OPCML: variants seen among roughly 807,000 people sequenced by gnomAD.
The protein encoded by OPCML is opioid-binding protein/cell adhesion molecule.
Under a neutral mutation model 37.8 loss-of-function variants are expected in OPCML, and 13 were observed. The ratio of observed to expected loss-of-function variants is 0.34; its 90% CI spans 0.22 to 0.55. The LOEUF (loss-of-function observed/expected upper bound fraction) is 0.55. OPCML is among the 20% of genes least tolerant of loss of function. OPCML has a pLI of 0.91. For missense variants in OPCML, 341 were observed against 435.6 expected (o/e 0.78, Z 1.93); for synonymous variants, 176 against 168.8 (o/e 1.04, Z -0.33).
At chr11:133,141,481 C>T (rs1444189663) in intron 1 of OPCML, among the ~76,000 whole-genome samples, 1 of 152,152 alleles carries the variant, frequency 6.6e-6, no homozygotes, top group Non-Finnish European at 1.5e-5. Flanking sequence ...CCTTTTCCCA[C>T]TCTTCTCAAC....
intron 2 of OPCML, among the ~76,000 whole-genome samples, chr11:132,757,568 T>C (rs1591565004): frequency 6.6e-6 from 1 of 152,222 alleles, no homozygotes; most frequent in Non-Finnish European, 1.5e-5. Context: ...TGAGCTTTTT[T>C]TCATATGTTT....
intron 2 of OPCML, chr11:132,817,213 C>CAT (rs1340355184): frequency 6.6e-6 from 1 of 152,206 alleles, no homozygotes; most frequent in Non-Finnish European, 1.5e-5. Flanking sequence ...AATATCATGT[C>CAT]ATACACAGGG....
intron 2 of OPCML, among the ~76,000 whole-genome samples, chr11:132,694,133 A>G (rs1943510461): frequency 7.0e-6 from 1 of 142,854 alleles, no homozygotes; most frequent in Admixed American, 7.0e-5. Context: ...AACTCTTCAG[A>G]GCTTTCTTCT....
chr11:132,981,856 G>A (rs181782912), intron 1 of OPCML, among the ~76,000 whole-genome samples: 1 of 152,342 alleles, frequency 6.6e-6, no homozygotes, highest in East Asian at 1.9e-4. Context: ...GCCAGGTTCT[G>A]TGTTAGGCGT....
chr11:132,435,737 C>T (rs1339792110), intron 7 of OPCML, among the ~76,000 whole-genome samples: 1 of 152,166 alleles, frequency 6.6e-6, no homozygotes. Flanking sequence ...AATATCACCC[C>T]CAGAATCAGA....
At chr11:133,284,302 T>C (rs1942239981) in intron 1 of OPCML, among the ~76,000 whole-genome samples, 1 of 152,216 alleles carries the variant, frequency 6.6e-6, no homozygotes, top group African/African-American at 2.4e-5. Context: ...CCCCTCTGGC[T>C]GTTGCAAGCT....
At chr11:133,231,533 A>G (rs182777719) in intron 1 of OPCML, among the ~76,000 whole-genome samples, 2 of 152,304 alleles carry the variant, frequency 1.3e-5, no homozygotes, top group African/African-American at 4.8e-5. Flanking sequence ...TCCCAAGTTG[A>G]AAATGGCATC....
At chr11:133,305,256 G>A (rs573425587) in intron 1 of OPCML, among the ~76,000 whole-genome samples, 1 of 152,276 alleles carries the variant, frequency 6.6e-6, no homozygotes, top group African/African-American at 2.4e-5. Flanking sequence ...TTATTATAAG[G>A]TTCTTCAGAT....
intron 1 of OPCML, among the ~76,000 whole-genome samples, chr11:132,996,468 A>T (rs1002682185): frequency 6.6e-6 from 1 of 151,560 alleles, no homozygotes; most frequent in Non-Finnish European, 1.5e-5. Context: ...AAAAAAAAAA[A>T]AATACAAAAA....
rs190865839 is a variant in OPCML, at chr11:133,004,018, C to T, written c.62-61008G>A. ...CGAGGAAGTGGCACACGTCTCTCACCGCTCTGGAGTCAGGCGGAAATGCCA... is the reference window on the plus strand; with the variant it reads ...CGAGGAAGTGGCACACGTCTCTCACTGCTCTGGAGTCAGGCGGAAATGCCA... On this transcript the variant is annotated intron_variant, in intron 1 of 7. Transcript: ENST00000524381. 2.3e-3 allele frequency: 2,237 copies of T among 985,408 alleles called. 3 individuals are homozygous for T. Among genetic ancestry groups the T allele is most frequent in the Non-Finnish European group, 2.6e-3 (2,129 of 829,942 alleles). The allele number at this position is 985,408 out of a possible 1,614,324, so 61.0% of individuals were successfully genotyped here.
intron 3 of OPCML, among the ~76,000 whole-genome samples, chr11:132,573,540 G>A: frequency 6.6e-6 from 1 of 151,832 alleles, no homozygotes; most frequent in East Asian, 1.9e-4. Flanking sequence ...TTATTCCATT[G>A]ATTTTGTGTA....
chr11:133,075,088 G>A (rs1325999541), intron 1 of OPCML, among the ~76,000 whole-genome samples: 1 of 152,108 alleles, frequency 6.6e-6, no homozygotes, highest in Non-Finnish European at 1.5e-5. Context: ...ACCCTGCCCT[G>A]TCAGCGTAGC....
chr11:132,789,480 C>G (rs138228328), intron 2 of OPCML, among the ~76,000 whole-genome samples: 1 of 152,066 alleles, frequency 6.6e-6, no homozygotes, highest in Non-Finnish European at 1.5e-5. Context: ...GAGAATCAGT[C>G]GAGTTCATTT....
chr11:133,375,120 C>T (rs1458328364), intron 1 of OPCML, among the ~76,000 whole-genome samples: 1 of 152,200 alleles, frequency 6.6e-6, no homozygotes, highest in Admixed American at 6.5e-5. Flanking sequence ...TCCAGTTCTG[C>T]TCCCCACCGC....
chr11:132,745,013 C>A (rs1401679100), intron 2 of OPCML, among the ~76,000 whole-genome samples: 1 of 152,186 alleles, frequency 6.6e-6, no homozygotes, highest in Non-Finnish European at 1.5e-5. Context: ...AGGAACCACA[C>A]CCCTGGGAGA....
chr11:132,974,066 T>A lies in OPCML; in HGVS notation c.62-31056A>T, dbSNP rs186556074. Among the ~76,000 whole-genome samples, 16 of 152,198 alleles carry A rather than the reference T, an allele frequency of 1.1e-4. 1 individual carries two copies. Among genetic ancestry groups the A allele is most frequent in the African/African-American group, 3.9e-4 (16 of 41,460 alleles). On this transcript the variant is annotated intron_variant, in intron 1 of 7. Transcript: ENST00000524381. ...AAGCTGTCCCTCCTCGCATAATCAC[T>A]CATGTCTCTGGCCATGCTTTGGGTT...
chr11:132,505,935 C>T (rs916219926), intron 4 of OPCML, among the ~76,000 whole-genome samples: 1 of 151,874 alleles, frequency 6.6e-6, no homozygotes, highest in African/African-American at 2.4e-5. Flanking sequence ...AGACTTACTG[C>T]ATATTAGGAG....
chr11:133,367,304 C>G (rs925817327), intron 1 of OPCML, among the ~76,000 whole-genome samples: 1 of 152,118 alleles, frequency 6.6e-6, no homozygotes, highest in African/African-American at 2.4e-5. Flanking sequence ...CTCTTCAGGT[C>G]GCTAAAGACA....
At position 133,329,971 on chromosome 11, in the gene OPCML, T is replaced by A. The variant is rs188185238; in HGVS notation, c.61+202293A>T. Reference sequence around the variant, plus strand: ...AAGGGCTAATATCCAGAATCTACAATGAACTCAAGTTTACAAGAAAAAAAC... The same window carrying A: ...AAGGGCTAATATCCAGAATCTACAAAGAACTCAAGTTTACAAGAAAAAAAC... On this transcript the variant is annotated intron_variant, in intron 1 of 7. Transcript: ENST00000524381. 1.7e-3 allele frequency among the ~76,000 whole-genome samples: 253 copies of A among 152,072 alleles called. 1 individual carries two copies. The highest frequency in any genetic ancestry group is 5.4e-3 in the African/African-American group (223 of 41,486).
Sources: allele counts gnomAD v4.1 joint callset (sites outside exome capture counted in the v4.1 genomes callset), GRCh38; gene constraint gnomAD v4.1.1; transcripts MANE v1.5; gene names NCBI Gene and HGNC (gene_info 2026-07-23, HGNC 2026-07-21).